The following GRIN2A variants were observed in gnomAD, a reference collection of about 807,000 sequenced individuals.
GRIN2A encodes glutamate receptor ionotropic, NMDA 2A.
In GRIN2A, 22 loss-of-function variants were observed where a neutral mutation model predicts 113.4. That is an observed-to-expected ratio of 0.19 (90% CI 0.14 to 0.28). The LOEUF is 0.28. GRIN2A is among the 10% of genes least tolerant of loss of function. The probability of loss-of-function intolerance (pLI) is 1.00; values close to 1 mark genes in which losing one functional copy is unlikely to be tolerated. For missense variants in GRIN2A, 1,502 were observed against 1,887.0 expected (o/e 0.80, Z 3.78); for synonymous variants, 827 against 738.4 (o/e 1.12, Z -1.94).
intron 4 of GRIN2A, among the ~76,000 whole-genome samples, chr16:9,865,119 T>G (rs2043140833): frequency 6.6e-6 from 1 of 152,180 alleles, no homozygotes; most frequent in African/African-American, 2.4e-5. Flanking sequence ...AGAGGATCAT[T>G]TGAAATACTA....
intron 10 of GRIN2A, among the ~76,000 whole-genome samples, chr16:9,806,330 A>G (rs2041965837): frequency 6.6e-6 from 1 of 152,212 alleles, no homozygotes. Context: ...GAGATCCAAA[A>G]TTAGCTAAGA....
chr16:10,105,044 C>T (rs1177903651), intron 2 of GRIN2A, among the ~76,000 whole-genome samples: 1 of 152,138 alleles, frequency 6.6e-6, no homozygotes, highest in African/African-American at 2.4e-5. Context: ...GTCTTCTTTG[C>T]CGAGATTAAA....
In GRIN2A at chr16:9,754,439, G is replaced by A; in HGVS notation, c.*8710C>T. On this transcript the variant is annotated 3_prime_UTR_variant, in exon 13 of 13. Coordinates refer to ENST00000330684, the MANE Select transcript of GRIN2A (RefSeq NM_001134407.3). The stretch of plus-strand genomic sequence containing the variant: ...AACTTATATCTTAAGTAGGCAATTA[G>A]CATCCCTTCCCAGTGAAAAATTTGG... 4.7e-6 allele frequency: 1 copy of A among 210,780 alleles called. No homozygotes were observed. The highest frequency in any genetic ancestry group is 2.3e-5 in the African/African-American group (1 of 44,254). The allele number at this position is 210,780 out of a possible 1,614,324, so 13.1% of individuals were successfully genotyped here.
chr16:10,072,031 TCACCAGAA>T (rs1192819028), intron 2 of GRIN2A, among the ~76,000 whole-genome samples: 1 of 152,182 alleles, frequency 6.6e-6, no homozygotes, highest in African/African-American at 2.4e-5. Context: ...AAAAGATTCT[TCACCAGAA>T]TGACCTTGGT....
intron 2 of GRIN2A, among the ~76,000 whole-genome samples, chr16:9,982,926 T>C (rs556824479): frequency 3.9e-5 from 6 of 152,210 alleles, no homozygotes; most frequent in Non-Finnish European, 5.9e-5. Flanking sequence ...CTAGGTTGGT[T>C]ACTGTTCTAG....
chr16:10,112,395 G>A (rs1030219111), intron 2 of GRIN2A: 31 of 694,566 alleles, frequency 4.5e-5, no homozygotes, highest in African/African-American at 1.4e-4. Context: ...GATGGCCTGC[G>A]GTCAGCCCCA....
intron 2 of GRIN2A, among the ~76,000 whole-genome samples, chr16:9,970,517 A>G (rs184308550): frequency 2.0e-5 from 3 of 152,328 alleles, no homozygotes; most frequent in African/African-American, 7.2e-5. Flanking sequence ...GCTAAGGAAA[A>G]GAGGCCTTGA....
intron 4 of GRIN2A, among the ~76,000 whole-genome samples, chr16:9,854,007 G>A (rs2042926934): frequency 6.6e-6 from 1 of 151,970 alleles, no homozygotes; most frequent in South Asian, 2.1e-4. Flanking sequence ...TTACTTATGA[G>A]ACTATGATTT....
chr16:9,937,968 G>C lies in GRIN2A; in HGVS notation c.998C>G (p.Thr333Ser), dbSNP rs370306281. ...ACAAGCCCTTTCTTACGGGTGCAAGGTGTGCATCGGGACCTCTGGCCTCTC... is the reference window on the plus strand; with the variant it reads ...ACAAGCCCTTTCTTACGGGTGCAAGCTGTGCATCGGGACCTCTGGCCTCTC... ...QMERPEVPMH[T>S]LHPFMVNVTW... Residue 333 changes from threonine (T) to serine (S), a missense_variant, in exon 3 of 13, where the codon ACC becomes AGC. By Grantham distance (58) the Thr-to-Ser change is moderately conservative. This residue lies in a region of GRIN2A where 334 missense variants were observed against 403.0 expected (regional missense o/e 0.83). Transcript: ENST00000330684. The C allele has an allele frequency of 1.9e-6, 3 of 1,611,780 alleles. No individual in the cohort carries two copies. In the African/African-American group the frequency reaches 4.0e-5, roughly 22 times the overall value.
chr16:9,805,525 G>A (rs2041949135), intron 10 of GRIN2A: 1 of 152,160 alleles, frequency 6.6e-6, no homozygotes, highest in African/African-American at 2.4e-5. Flanking sequence ...AGCACTTGAG[G>A]TCAGTTGGCA....
At chr16:10,011,727 C>A in intron 2 of GRIN2A, among the ~76,000 whole-genome samples, 1 of 152,142 alleles carries the variant, frequency 6.6e-6, no homozygotes, top group East Asian at 1.9e-4. Flanking sequence ...CATCTACCTG[C>A]TGCCCTACTG....
intron 4 of GRIN2A, among the ~76,000 whole-genome samples, chr16:9,863,986 A>T (rs1273261540): frequency 1.3e-5 from 2 of 152,214 alleles, no homozygotes; most frequent in African/African-American, 4.8e-5. Flanking sequence ...GGGGAAGGTT[A>T]AACACATAAC....
At chr16:9,775,431 A>T (rs942398269) in intron 11 of GRIN2A, among the ~76,000 whole-genome samples, 4 of 152,208 alleles carry the variant, frequency 2.6e-5, no homozygotes, top group African/African-American at 9.6e-5. Context: ...ACATGTGGCA[A>T]ACATCTCTGT....
chr16:10,146,492 A>G (rs1488981120), intron 2 of GRIN2A, among the ~76,000 whole-genome samples: 1 of 152,078 alleles, frequency 6.6e-6, no homozygotes, highest in Non-Finnish European at 1.5e-5. Flanking sequence ...TACTTAGCCT[A>G]TTCCTCACCA....
intron 10 of GRIN2A, among the ~76,000 whole-genome samples, chr16:9,800,903 C>G (rs1903322462): frequency 6.6e-6 from 1 of 152,136 alleles, no homozygotes; most frequent in Non-Finnish European, 1.5e-5. Context: ...GAGAGTTATA[C>G]AAGGTCAAAA....
intron 4 of GRIN2A, among the ~76,000 whole-genome samples, chr16:9,861,138 T>A (rs911024412): frequency 4.7e-4 from 72 of 152,282 alleles, no homozygotes; most frequent in African/African-American, 1.5e-3. Flanking sequence ...TTGGGTGGTT[T>A]CATAACCATG....
chr16:10,052,467 G>A (rs1417935265), intron 2 of GRIN2A, among the ~76,000 whole-genome samples: 1 of 152,182 alleles, frequency 6.6e-6, no homozygotes, highest in Non-Finnish European at 1.5e-5. Context: ...GAACGGTCAA[G>A]TCCCCAAGAC....
chr16:9,803,931 T>A (rs2041914482), intron 10 of GRIN2A, among the ~76,000 whole-genome samples: 1 of 152,206 alleles, frequency 6.6e-6, no homozygotes. Context: ...CCAAATGTTT[T>A]GACAGAAGAG....
chr16:9,871,486 G>A (rs1256667796), intron 4 of GRIN2A, among the ~76,000 whole-genome samples: 1 of 150,622 alleles, frequency 6.6e-6, no homozygotes, highest in African/African-American at 2.4e-5. Context: ...AAGTCTAGAA[G>A]TCTAGAGTCT....
Sources: allele counts gnomAD v4.1 joint callset (sites outside exome capture counted in the v4.1 genomes callset), GRCh38; gene constraint gnomAD v4.1.1; regional missense constraint gnomAD v4.1.1; transcripts MANE v1.5; gene names NCBI Gene and HGNC (gene_info 2026-07-23, HGNC 2026-07-21).